GHR: variants seen among roughly 807,000 people sequenced by gnomAD.
The protein encoded by GHR is GH receptor.
GHR carries 35 observed loss-of-function variants against 67.1 expected under a neutral mutation model. That is an observed-to-expected ratio of 0.52 (90% confidence interval 0.40 to 0.69). GHR has a LOEUF of 0.69. GHR is among the 30% of genes least tolerant of loss of function. The pLI, the probability that GHR is intolerant of heterozygous loss-of-function variation, is 0.00. For missense variants in GHR, 792 were observed against 764.6 expected (o/e 1.04, Z -0.42); for synonymous variants, 272 against 269.1 (o/e 1.01, Z -0.10).
At chr5:42,443,117 G>A (rs183296045) in intron 1 of GHR, among the ~76,000 whole-genome samples, 18 of 152,294 alleles carry the variant, frequency 1.2e-4, no homozygotes, top group Admixed American at 1.0e-3. Context: ...ATTTGAATGT[G>A]GGGCTTGAGT....
Position 42,711,329 on chromosome 5 carries a change from C to G in GHR, c.741C>G (p.Leu247=). The change falls in exon 7 of 10, where the codon CTC becomes CTG. Residue 247 remains leucine, a synonymous_variant. Transcript: ENST00000230882. ...ATTATGGCGAGTTCAGTGAGGTGCT[C>G]TATGTAACACTTCCTCAGATGAGCC... ...SGNYGEFSEV[L]YVTLPQMSQF... 1 of 1,612,928 alleles carries G rather than the reference C, an allele frequency of 6.2e-7. No homozygotes were observed. The highest frequency in any genetic ancestry group is 1.1e-5 in the South Asian group (1 of 91,060).
chr5:42,607,413 G>A (rs1752680598), intron 2 of GHR, among the ~76,000 whole-genome samples: 1 of 152,160 alleles, frequency 6.6e-6, no homozygotes, highest in African/African-American at 2.4e-5. Flanking sequence ...TGCCTGGGTG[G>A]TGCTATTGGT....
chr5:42,627,662 A>G (rs142918797), intron 2 of GHR, among the ~76,000 whole-genome samples: 225 of 152,354 alleles, frequency 1.5e-3, no homozygotes, highest in Middle Eastern at 0.014. Flanking sequence ...GGGGGAGAAT[A>G]CAGACGGTCA....
chr5:42,648,446 G>T (rs1335304449), intron 3 of GHR, among the ~76,000 whole-genome samples: 2 of 152,166 alleles, frequency 1.3e-5, no homozygotes, highest in Non-Finnish European at 2.9e-5. Context: ...TCATGAGTGG[G>T]TGTGTATGTT....
chr5:42,606,991 A>C (rs1752659232), intron 2 of GHR, among the ~76,000 whole-genome samples: 1 of 151,944 alleles, frequency 6.6e-6, no homozygotes, highest in Non-Finnish European at 1.5e-5. Context: ...TCCCCACCCA[A>C]AGATTGATCA....
intron 1 of GHR, among the ~76,000 whole-genome samples, chr5:42,489,073 C>G (rs1270991183): frequency 6.6e-6 from 1 of 152,034 alleles, no homozygotes; most frequent in Non-Finnish European, 1.5e-5. Context: ...GTCCTCTTTG[C>G]CTTCTTATCC....
At chr5:42,558,866 AT>A (rs1157632156) in intron 1 of GHR, among the ~76,000 whole-genome samples, 1 of 152,216 alleles carries the variant, frequency 6.6e-6, no homozygotes, top group Non-Finnish European at 1.5e-5. Context: ...TTAATAATGG[AT>A]TTTATTTAAT....
At chr5:42,646,187 G>C in intron 3 of GHR, 1 of 251,894 alleles carries the variant, frequency 4.0e-6, no homozygotes, top group South Asian at 4.4e-5. Context: ...GGGGAAGCAA[G>C]AGAGAGGTAC....
chr5:42,694,170 T>C (rs1757557463), intron 4 of GHR, among the ~76,000 whole-genome samples: 1 of 152,222 alleles, frequency 6.6e-6, no homozygotes, highest in African/African-American at 2.4e-5. Context: ...TAGAGAGCAC[T>C]ACTAATGAGC....
chr5:42,629,996 A>T (rs1214391505), intron 3 of GHR, among the ~76,000 whole-genome samples: 1 of 131,522 alleles, frequency 7.6e-6, no homozygotes, highest in Non-Finnish European at 1.6e-5. Context: ...CTCCTCTTCA[A>T]CCACAAGACA....
At chr5:42,670,840 AT>A (rs1297634910) in intron 3 of GHR, among the ~76,000 whole-genome samples, 16 of 135,728 alleles carry the variant, frequency 1.2e-4, no homozygotes, top group African/African-American at 2.5e-4. Context: ...TATAATAATA[AT>A]TTTTTTTAAA....
chr5:42,644,439 C>T (rs1230416934), intron 3 of GHR, among the ~76,000 whole-genome samples: 1 of 151,946 alleles, frequency 6.6e-6, no homozygotes, highest in African/African-American at 2.4e-5. Context: ...GCAATAACAG[C>T]AACAAAGTTA....
Position 42,468,963 on chromosome 5 carries a change from T to G in GHR, c.-12+45008T>G, listed in dbSNP as rs747567574. The G allele has an allele frequency of 6.9e-4, 278 of 402,594 alleles. 1 individual carries two copies. Among genetic ancestry groups the G allele is most frequent in the Non-Finnish European group, 2.2e-4 (47 of 218,416 alleles). 24.9% of individuals were successfully genotyped at this position (402,594 alleles called of 1,614,324 possible). ...CTCTTCCCAGAAGATCGAAGAACAA[T>G]TTTTTTGAAATCCGCCTGTAAATGT... is the stretch of plus-strand genomic sequence containing the variant. On this transcript the variant is annotated intron_variant, in intron 1 of 9. Coordinates refer to ENST00000230882, the MANE Select transcript of GHR (RefSeq NM_000163.5).
intron 1 of GHR, among the ~76,000 whole-genome samples, chr5:42,510,775 T>C (rs929910903): frequency 1.3e-5 from 2 of 152,064 alleles, no homozygotes; most frequent in African/African-American, 4.8e-5. Flanking sequence ...ACCACAAAAG[T>C]GGTCATAGGA....
chr5:42,504,706 C>G (rs1401268710), intron 1 of GHR, among the ~76,000 whole-genome samples: 1 of 152,082 alleles, frequency 6.6e-6, no homozygotes, highest in African/African-American at 2.4e-5. Context: ...TTGCAGTGAG[C>G]CGAGATCGCA....
chr5:42,535,368 G>A (rs544169369), intron 1 of GHR, among the ~76,000 whole-genome samples: 125 of 152,050 alleles, frequency 8.2e-4, no homozygotes, highest in South Asian at 3.9e-3. Context: ...TTTTATTCTC[G>A]TATATGTGAC....
chr5:42,468,674 TG>T, intron 1 of GHR: 1 of 1,009,424 alleles, frequency 9.9e-7, no homozygotes, highest in Non-Finnish European at 1.6e-6. Flanking sequence ...GCTATTTGCC[TG>T]CCGCCTTGGA....
At chr5:42,448,608 A>C (rs1242368047) in intron 1 of GHR, among the ~76,000 whole-genome samples, 1 of 128,124 alleles carries the variant, frequency 7.8e-6, no homozygotes, top group Non-Finnish European at 1.7e-5. Flanking sequence ...TATTATTATT[A>C]TTATTGCTGT....
At chr5:42,600,918 C>CT (rs933355797) in intron 2 of GHR, among the ~76,000 whole-genome samples, 9,190 of 66,608 alleles carry the variant, frequency 0.14, 836 homozygotes, top group Non-Finnish European at 0.17. Flanking sequence ...TCTTTCTATT[C>CT]TTTTTTTTTT....
Sources: gnomAD v4.1 joint callset for allele counts (sites outside exome capture counted in the v4.1 genomes callset) on GRCh38, gnomAD v4.1.1 for gene constraint, MANE v1.5 for transcripts, NCBI Gene and HGNC (gene_info 2026-07-23, HGNC 2026-07-21) for gene names.